The following VPS39 variants were observed in gnomAD, a reference collection of about 807,000 sequenced individuals.
VPS39 encodes VPS39 subunit of HOPS complex, also known as vam6/Vps39-like protein.
A neutral mutation model predicts 121.0 loss-of-function variants in VPS39; 70 were observed. The ratio of observed to expected loss-of-function variants is 0.58; its 90% CI spans 0.48 to 0.71. The LOEUF (loss-of-function observed/expected upper bound fraction) is 0.71, where lower values mean the gene tolerates loss of function less well. Among genes scored for constraint, VPS39 ranks in the 30% least tolerant of loss-of-function variants. The pLI, the probability that VPS39 is intolerant of heterozygous loss-of-function variation, is 0.00. For missense variants in VPS39, 818 were observed against 1,051.5 expected (o/e 0.78, Z 3.07); for synonymous variants, 378 against 398.1 (o/e 0.95, Z 0.60).
At chr15:42,182,625 AG>A (rs2049605302) in intron 8 of VPS39, among the ~76,000 whole-genome samples, 1 of 152,262 alleles carries the variant, frequency 6.6e-6, no homozygotes, top group African/African-American at 2.4e-5. Flanking sequence ...GAGCTCCTAC[AG>A]GAACAGAGGA....
intron 1 of VPS39, among the ~76,000 whole-genome samples, chr15:42,203,211 G>A (rs568115241): frequency 3.0e-4 from 45 of 152,218 alleles, no homozygotes; most frequent in Admixed American, 6.5e-4. Flanking sequence ...GCTCATGCCT[G>A]TAATCCCAGC....
At position 42,158,702 on chromosome 15, in the gene VPS39, A is replaced by T. The variant is rs115125833; in HGVS notation, c.*2052T>A. The T allele has an allele frequency of 7.4e-4, 113 of 152,348 alleles. No homozygotes were observed. The highest frequency in any genetic ancestry group is 2.7e-3 in the African/African-American group (112 of 41,576). 9.4% of individuals were successfully genotyped at this position (152,348 alleles called of 1,614,324 possible). On this transcript the variant is annotated 3_prime_UTR_variant, in exon 25 of 25. Coordinates refer to ENST00000318006, the MANE Select transcript of VPS39 (RefSeq NM_015289.5). The stretch of plus-strand genomic sequence containing the variant: ...GGAGGGAGAAATAAGAGACCCAGAT[A>T]GGCTTGGTTTCTTGCTTTATTAGGT...
At chr15:42,177,187 AAAC>A (rs1165371594) in intron 10 of VPS39, among the ~76,000 whole-genome samples, 1 of 151,062 alleles carries the variant, frequency 6.6e-6, no homozygotes, top group African/African-American at 2.4e-5. Flanking sequence ...AAAAAAAAAA[AAAC>A]CTCAAAAAAC....
In VPS39 at chr15:42,192,069, C is replaced by T. The variant is rs1281814991; in HGVS notation, c.140-509G>A. The T allele has an allele frequency of 1.4e-5, 22 of 1,536,320 alleles. No individual in the cohort carries two copies. The East Asian group carries it at 3.2e-4, about 22-fold the overall frequency. On this transcript the variant is annotated intron_variant, in intron 2 of 24. Transcript: ENST00000318006. ...AATTCAATGCGTCTACACTTACTGC[C>T]GCTTTCAGGTGATGCTACATCTGCT...
chr15:42,200,021 A>G, intron 1 of VPS39, 60 bp from the exon 2 acceptor site: 1 of 1,506,658 alleles, frequency 6.6e-7, no homozygotes, highest in East Asian at 2.4e-5. Context: ...GAGAAAGGTC[A>G]ATCAGCTTGA....
At chr15:42,163,252 G>T in intron 21 of VPS39, 98 bp downstream of exon 21, 1 of 1,417,482 alleles carries the variant, frequency 7.1e-7, no homozygotes, top group Non-Finnish European at 1.0e-6. Context: ...CCTGACTCGT[G>T]CCCTGTCTTA....
At chr15:42,194,609 G>A (rs914222640) in intron 2 of VPS39, among the ~76,000 whole-genome samples, 5 of 151,872 alleles carry the variant, frequency 3.3e-5, no homozygotes, top group African/African-American at 9.7e-5. Context: ...GGTGTGTGCC[G>A]GTAGTCCTAG....
chr15:42,161,055 G>A (rs1335792296), intron 24 of VPS39: 5 of 534,318 alleles, frequency 9.4e-6, no homozygotes, highest in Non-Finnish European at 1.7e-5. Context: ...AGTGCATGGG[G>A]TATTTTTTTA....
intron 10 of VPS39, among the ~76,000 whole-genome samples, chr15:42,176,334 CAT>C (rs1361989736): frequency 2.0e-5 from 3 of 151,828 alleles, no homozygotes; most frequent in African/African-American, 7.3e-5. Flanking sequence ...AAAGATTAAA[CAT>C]ATGTGTTTAA....
intron 2 of VPS39, among the ~76,000 whole-genome samples, chr15:42,198,129 A>G (rs968231356): frequency 7.2e-5 from 11 of 152,206 alleles, no homozygotes; most frequent in Admixed American, 2.0e-4. Context: ...ATTAACACTA[A>G]TATTACCAGT....
At chr15:42,164,174 G>A (rs995535383) in intron 19 of VPS39, among the ~76,000 whole-genome samples, 184 bp downstream of exon 19, 4 of 152,220 alleles carry the variant, frequency 2.6e-5, no homozygotes, top group African/African-American at 9.6e-5. Context: ...ACCCAGGAAG[G>A]AGACTTTTCT....
Position 42,161,704 on chromosome 15 carries a change from A to G in VPS39, c.2530T>C (p.Cys844Arg). 6.2e-7 allele frequency: 1 copy of G among 1,614,208 alleles called. No individual in the cohort carries two copies. The change falls in exon 24 of 25, where the codon TGT becomes CGT. Residue 844 changes from cysteine to arginine, a missense_variant. Transcript: ENST00000318006. ...IITEEKVCMVCKKKIGNSAFA... is the reference protein window; with the variant it reads ...IITEEKVCMVRKKKIGNSAFA... ...CACCTGTTCCCAATCTTCTTCTTAC[A>G]CACCATGCACACCTTCTCCTCTGTG...
chr15:42,195,050 T>C lies in VPS39; in HGVS notation c.140-3490A>G, dbSNP rs574413705. Among the ~76,000 whole-genome samples the C allele has an allele frequency of 2.0e-5, 3 of 152,242 alleles. No individual in the cohort carries two copies. The South Asian group carries it at 6.2e-4, about 32-fold the overall frequency. On this transcript the variant is annotated intron_variant, in intron 2 of 24. Transcript: ENST00000318006. ...TCCCCAGGGGTCTAGAGACCACATT[T>C]TCAGAACACTGCTCTAGGATGACAG...
At chr15:42,202,097 C>T (rs574461069) in intron 1 of VPS39, among the ~76,000 whole-genome samples, 7 of 152,248 alleles carry the variant, frequency 4.6e-5, no homozygotes, top group African/African-American at 1.7e-4. Context: ...TCTTGATTCC[C>T]AACCACATGC....
chr15:42,166,896 C>T lies in VPS39; in HGVS notation c.1395G>A (p.Val465=). The T allele has an allele frequency of 1.9e-6, 3 of 1,614,212 alleles. No individual in the cohort carries two copies. The highest frequency in any genetic ancestry group is 3.3e-5 in the Admixed American group (2 of 60,028). The change falls in exon 14 of 25, where the codon GTG becomes GTA. Residue 465 remains valine (V), a synonymous_variant. Transcript: ENST00000318006. ...TGTTCTCCAGGCGTAGCAAGGGGGC[C>T]ACCAGGGCCACATTTGTCTGCAGAA... is the stretch of plus-strand genomic sequence containing the variant. ...KCYLHTNVAL[V]APLLRLENNH... is the part of the protein sequence containing the mutation.
At chr15:42,167,321 A>G (rs2140841152) in intron 13 of VPS39, 73 bp downstream of exon 13, 1 of 1,568,890 alleles carries the variant, frequency 6.4e-7, no homozygotes. Flanking sequence ...CTCAGGGTCT[A>G]GCACTCCCTT....
intron 18 of VPS39, chr15:42,164,793 C>T: frequency 7.0e-7 from 1 of 1,433,330 alleles, no homozygotes; most frequent in South Asian, 1.5e-5. Context: ...CTCTGAGACA[C>T]TCAGAGATGC....
intron 2 of VPS39, among the ~76,000 whole-genome samples, chr15:42,196,977 T>C (rs1189760002): frequency 2.0e-5 from 3 of 151,806 alleles, no homozygotes; most frequent in Non-Finnish European, 2.9e-5. Context: ...ATATACACCA[T>C]GGAATACTAT....
At chr15:42,166,045 A>G (rs1025395540) in intron 16 of VPS39, 114 bp downstream of exon 16, 1 of 1,164,286 alleles carries the variant, frequency 8.6e-7, no homozygotes, top group African/African-American at 1.5e-5. Flanking sequence ...CCCTTTCTTC[A>G]TGCACCAATG....
Sources: allele counts gnomAD v4.1 joint callset (sites outside exome capture counted in the v4.1 genomes callset), GRCh38; gene constraint gnomAD v4.1.1; transcripts MANE v1.5; gene names NCBI Gene and HGNC (gene_info 2026-07-23, HGNC 2026-07-21).